PIWIL2: variants seen among roughly 807,000 people sequenced by gnomAD.
PIWIL2 encodes the protein piwi-like protein 2.
PIWIL2 carries 81 observed loss-of-function variants against 116.5 expected under a neutral mutation model. The ratio of observed to expected loss-of-function variants is 0.70; its 90% CI spans 0.58 to 0.84. PIWIL2 has a LOEUF of 0.84. Ranked by LOEUF, PIWIL2 falls within the 40% of genes least tolerant of loss-of-function variation. The pLI is 0.00. For synonymous variants in PIWIL2, 489 were observed against 429.5 expected, an observed-to-expected ratio of 1.14 and a Z score of -1.71; for missense variants, 1,272 against 1,212.3, an observed-to-expected ratio of 1.05 and a Z score of -0.73.
chr8:22,297,415 C>T (rs1414663379), intron 10 of PIWIL2, among the ~76,000 whole-genome samples: 1 of 152,196 alleles, frequency 6.6e-6, no homozygotes, highest in Non-Finnish European at 1.5e-5. Flanking sequence ...GCTATTGCAC[C>T]TGGCCCTTGG....
chr8:22,347,439 A>T (rs1832253405), intron 20 of PIWIL2, among the ~76,000 whole-genome samples: 1 of 150,918 alleles, frequency 6.6e-6, no homozygotes, highest in Non-Finnish European at 1.5e-5. Flanking sequence ...GGATGGTCTC[A>T]ATCTCCTGAC....
intron 10 of PIWIL2, among the ~76,000 whole-genome samples, chr8:22,298,985 G>C (rs750223212): frequency 4.6e-5 from 7 of 152,142 alleles, no homozygotes; most frequent in Non-Finnish European, 1.0e-4. Flanking sequence ...GATGTAGATT[G>C]ATTTAACAGG....
At chr8:22,338,133 C>T (rs1333531587) in intron 20 of PIWIL2, among the ~76,000 whole-genome samples, 1 of 151,752 alleles carries the variant, frequency 6.6e-6, no homozygotes, top group African/African-American at 2.4e-5. Flanking sequence ...AAAGGAGAGA[C>T]AACTCATGTT....
In PIWIL2 at chr8:22,296,037, T is replaced by G. The variant is rs1355661233; in HGVS notation, c.1181+5691T>G. ...CTTCCCTTCTTTTTTTTTTTTTTTT[T>G]TTTTTTTTTTTTTTTTTTTTTGTTG... On this transcript the variant is annotated intron_variant, in intron 10 of 22. Coordinates refer to ENST00000356766, the MANE Select transcript of PIWIL2 (RefSeq NM_018068.5). Among the ~76,000 whole-genome samples the G allele has an allele frequency of 2.6e-3, 77 of 29,156 alleles. 1 individual carries two copies. The highest frequency in any genetic ancestry group is 7.5e-3 in the South Asian group (3 of 398). The allele number at this position is 29,156 out of a possible 152,430, so 19.1% of individuals were successfully genotyped here.
At chr8:22,331,944 AG>A (rs1473771175) in intron 20 of PIWIL2, among the ~76,000 whole-genome samples, 1 of 152,106 alleles carries the variant, frequency 6.6e-6, no homozygotes, top group Non-Finnish European at 1.5e-5. Flanking sequence ...AATGTTGCGG[AG>A]GGCATAATTC....
intron 20 of PIWIL2, among the ~76,000 whole-genome samples, chr8:22,322,636 T>G (rs1831626660): frequency 1.3e-5 from 2 of 150,900 alleles, no homozygotes; most frequent in Non-Finnish European, 3.0e-5. Context: ...GTCCTTTCCT[T>G]TCCTTGTCCT....
intron 1 of PIWIL2, among the ~76,000 whole-genome samples, chr8:22,276,232 G>A (rs534880277): frequency 1.3e-5 from 2 of 152,304 alleles, no homozygotes; most frequent in East Asian, 3.9e-4. Context: ...CTGCACTTAC[G>A]CTGTGGGTTT....
At chr8:22,281,941 T>C (rs1215681558) in intron 4 of PIWIL2, among the ~76,000 whole-genome samples, 4 of 150,494 alleles carry the variant, frequency 2.7e-5, no homozygotes, top group Non-Finnish European at 5.9e-5. Flanking sequence ...CCAACTAATT[T>C]TTTGTATTTT....
At chr8:22,342,202 A>G (rs1832126758) in intron 20 of PIWIL2, among the ~76,000 whole-genome samples, 1 of 152,232 alleles carries the variant, frequency 6.6e-6, no homozygotes, top group African/African-American at 2.4e-5. Flanking sequence ...TTCATTGATA[A>G]GAAGACTCAA....
chr8:22,276,859 C>T (rs997668062), intron 1 of PIWIL2, among the ~76,000 whole-genome samples: 4 of 151,820 alleles, frequency 2.6e-5, no homozygotes, highest in Non-Finnish European at 4.4e-5. Flanking sequence ...GCTAAGATGC[C>T]ACCACTTCAC....
intron 20 of PIWIL2, among the ~76,000 whole-genome samples, chr8:22,339,011 T>G (rs956647510): frequency 1.3e-5 from 2 of 151,932 alleles, no homozygotes; most frequent in Non-Finnish European, 2.9e-5. Context: ...AAAATGAGAG[T>G]CCAAAAATAA....
intron 20 of PIWIL2, 76 bp downstream of exon 20, chr8:22,318,351 C>A: frequency 1.2e-6 from 1 of 805,148 alleles, no homozygotes; most frequent in Non-Finnish European, 2.1e-6. Context: ...GAGTCTCACT[C>A]TTGTCGCCCA....
intron 20 of PIWIL2, among the ~76,000 whole-genome samples, chr8:22,325,343 T>A (rs557502254): frequency 6.6e-6 from 1 of 152,280 alleles, no homozygotes; most frequent in African/African-American, 2.4e-5. Flanking sequence ...TTTCCTTTCT[T>A]CCACTTTAGA....
rs901168765 is a variant in PIWIL2, at chr8:22,330,555, G to A, written c.2403+12280G>A. Among the ~76,000 whole-genome samples, 11 of 151,738 alleles carry A rather than the reference G, an allele frequency of 7.2e-5. No homozygotes were observed. The South Asian group carries it at 2.3e-3, about 32-fold the overall frequency. On this transcript the variant is annotated intron_variant, in intron 20 of 22. Transcript: ENST00000356766. The stretch of plus-strand genomic sequence containing the variant: ...CTACTAAAAATACACACATTAGCTG[G>A]GCGTAGTGGCGGGCACCTGTAATCC...
At chr8:22,310,208 A>G in intron 15 of PIWIL2, 134 bp downstream of exon 15, 3 of 582,306 alleles carry the variant, frequency 5.2e-6, no homozygotes, top group Non-Finnish European at 6.1e-6. Context: ...TTACCTACTA[A>G]CCAGGGATCC....
intron 10 of PIWIL2, among the ~76,000 whole-genome samples, chr8:22,290,952 G>A (rs778839027): frequency 1.4e-4 from 21 of 151,146 alleles, no homozygotes; most frequent in Non-Finnish European, 2.7e-4. Context: ...TGTTACTGTA[G>A]TAAATACAGA....
chr8:22,318,114 C>T (rs1187454591), intron 19 of PIWIL2, 56 bp from the exon 20 acceptor site: 1 of 1,091,896 alleles, frequency 9.2e-7, no homozygotes, highest in African/African-American at 1.5e-5. Flanking sequence ...TAGGCTGTCC[C>T]CTTCGAGCAT....
intron 20 of PIWIL2, among the ~76,000 whole-genome samples, chr8:22,326,694 A>G (rs1231008315): frequency 6.6e-6 from 1 of 152,166 alleles, no homozygotes; most frequent in Non-Finnish European, 1.5e-5. Flanking sequence ...TTGTGGCTGT[A>G]TAATATTCCA....
At chr8:22,282,239 C>A (rs1334274092) in intron 4 of PIWIL2, among the ~76,000 whole-genome samples, 1 of 141,070 alleles carries the variant, frequency 7.1e-6, no homozygotes, top group African/African-American at 2.6e-5. Context: ...CGCCACCACA[C>A]CCGGCTTTTT....
Sources: gnomAD v4.1 joint callset for allele counts (sites outside exome capture counted in the v4.1 genomes callset) on GRCh38, gnomAD v4.1.1 for gene constraint, MANE v1.5 for transcripts, NCBI Gene and HGNC (gene_info 2026-07-23, HGNC 2026-07-21) for gene names.